Variants in WNT2B observed in about 807,000 individuals in gnomAD.
The protein encoded by WNT2B is Wnt family member 2B.
A neutral mutation model predicts 40.5 loss-of-function variants in WNT2B; 19 were observed. The observed-to-expected ratio is 0.47, with a 90% CI of 0.33 to 0.69. The LOEUF (loss-of-function observed/expected upper bound fraction) is 0.69. Ranked by LOEUF, WNT2B falls within the 30% of genes least tolerant of loss-of-function variation. The probability of loss-of-function intolerance (pLI) is 0.02; values close to 1 mark genes in which losing one functional copy is unlikely to be tolerated. For missense variants in WNT2B, 467 were observed against 556.4 expected, an observed-to-expected ratio of 0.84 and a Z score of 1.62; for synonymous variants, 220 against 211.9, an observed-to-expected ratio of 1.04 and a Z score of -0.33.
At position 112,525,968 on chromosome 1, in the gene WNT2B, G is replaced by C; in HGVS notation, c.*5459G>C. On this transcript the variant is annotated 3_prime_UTR_variant, in exon 5 of 5. Transcript: ENST00000369684. ...ACTGTCACTTTACAGATGCTGTTCAGAAAAATTTGGTGATTTGTCCAAGGT... is the reference window on the plus strand; with the variant it reads ...ACTGTCACTTTACAGATGCTGTTCACAAAAATTTGGTGATTTGTCCAAGGT... The C allele has an allele frequency of 6.2e-7, 1 of 1,611,374 alleles. No homozygotes were observed. The highest frequency in any genetic ancestry group is 8.5e-7 in the Non-Finnish European group (1 of 1,177,950).
At chr1:112,484,258 C>CAT (rs1296378064) in intron 1 of WNT2B, among the ~76,000 whole-genome samples, 14 of 110,432 alleles carry the variant, frequency 1.3e-4, no homozygotes, top group African/African-American at 3.1e-4. Context: ...TATATATACA[C>CAT]ATATATATAT....
intron 1 of WNT2B, among the ~76,000 whole-genome samples, chr1:112,487,987 A>G (rs1017187838): frequency 2.0e-5 from 3 of 151,728 alleles, no homozygotes; most frequent in African/African-American, 7.3e-5. Flanking sequence ...CGACTCATAT[A>G]AAAAATTTTT....
chr1:112,469,764 C>A (rs1386254374), intron 1 of WNT2B, among the ~76,000 whole-genome samples: 1 of 152,024 alleles, frequency 6.6e-6, no homozygotes. Context: ...CAGGCACATG[C>A]CACCATGCCT....
Position 112,509,012 on chromosome 1 carries a change from C to G in WNT2B, c.-251C>G. 7.4e-7 allele frequency: 1 copy of G among 1,344,054 alleles called. No individual in the cohort carries two copies. The highest frequency in any genetic ancestry group is 9.5e-7 in the Non-Finnish European group (1 of 1,056,956). 83.3% of individuals were successfully genotyped at this position (1,344,054 alleles called of 1,614,324 possible). A position where few individuals can be genotyped will look rare whatever the true frequency, so the allele number is the denominator to read the frequency against. On this transcript the variant is annotated 5_prime_UTR_variant, in exon 1 of 5. Transcript: ENST00000369684. The surrounding 1 kb of genome is among the most constrained non-coding windows in gnomAD (Gnocchi z 4.2). The stretch of plus-strand genomic sequence containing the variant: ...TTCAGCGCCGCAGACCCCCTGACAC[C>G]GCACCCGGTCCTCAGGCAGCGCGCC...
At position 112,509,316 on chromosome 1, in the gene WNT2B, C is replaced by G. The variant is rs1298645625; in HGVS notation, c.54C>G (p.Ala18=). The change falls in exon 1 of 5, where the codon GCC becomes GCG. Residue 18 remains alanine (A), a synonymous_variant. Transcript: ENST00000369684. The surrounding 1 kb of genome is among the most constrained non-coding windows in gnomAD (Gnocchi z 4.2). ...CTGCGCAGCTCCCGCTTCGGCGCGC[C>G]AGCGCCCCGGTCCCTGTGCCGTCGC... ...EEAAQLPLRR[A]SAPVPVPSPA... 6.4e-7 allele frequency: 1 copy of G among 1,571,258 alleles called. No homozygotes were observed. Among genetic ancestry groups the G allele is most frequent in the Non-Finnish European group, 8.6e-7 (1 of 1,165,078 alleles).
chr1:112,520,631 TAG>T lies in WNT2B; in HGVS notation c.*127_*128del. 1 of 1,024,284 alleles carries T rather than the reference TAG, an allele frequency of 9.8e-7. No homozygotes were observed. The highest frequency in any genetic ancestry group is 1.5e-6 in the Non-Finnish European group (1 of 688,702). The allele number at this position is 1,024,284 out of a possible 1,614,324, so 63.4% of individuals were successfully genotyped here. Reference sequence around the variant, plus strand: ...CTGCTACCGCTTCTATTTAAGGATGTAGAGAGTAATCCATAGGGACCATGGTG... The same window carrying T: ...CTGCTACCGCTTCTATTTAAGGATGTAGAGTAATCCATAGGGACCATGGTG... On this transcript the variant is annotated 3_prime_UTR_variant, in exon 5 of 5. Coordinates refer to ENST00000369684, the MANE Select transcript of WNT2B (RefSeq NM_024494.3).
intron 1 of WNT2B, among the ~76,000 whole-genome samples, chr1:112,469,983 A>G (rs1650824572): frequency 6.6e-6 from 1 of 152,170 alleles, no homozygotes; most frequent in South Asian, 2.1e-4. Flanking sequence ...CTCATCTTTT[A>G]GTCATTCTAC....
Position 112,520,976 on chromosome 1 carries a change from G to A in WNT2B, c.*467G>A. On this transcript the variant is annotated 3_prime_UTR_variant, in exon 5 of 5. Transcript: ENST00000369684. ...GAAGTCCGTTTGAGCAGAACTACCTGGTACCCCGAAAGAAAATCTTAGGCT... is the reference window on the plus strand; with the variant it reads ...GAAGTCCGTTTGAGCAGAACTACCTAGTACCCCGAAAGAAAATCTTAGGCT... The A allele has an allele frequency of 6.2e-6, 1 of 162,032 alleles. No homozygotes were observed. The highest frequency in any genetic ancestry group is 1.4e-5 in the Non-Finnish European group (1 of 73,824). The allele number at this position is 162,032 out of a possible 1,614,324, so 10.0% of individuals were successfully genotyped here. A position where few individuals can be genotyped will look rare whatever the true frequency, so the allele number is the denominator to read the frequency against.
chr1:112,517,310 T>G lies in WNT2B; in HGVS notation c.871T>G (p.Tyr291Asp), dbSNP rs761923790. ...CAACTTCACCGCAGCCCGCCAAGGCTATCGCCGTGCCACCCGGACTGATCT... is the reference window on the plus strand; with the variant it reads ...CAACTTCACCGCAGCCCGCCAAGGCGATCGCCGTGCCACCCGGACTGATCT... Reference protein sequence around the residue: ...GANFTAARQGYRRATRTDLVY... With the variant: ...GANFTAARQGDRRATRTDLVY... Residue 291 changes from tyrosine to aspartate, a missense_variant, in exon 4 of 5, where the codon TAT (tyrosine) becomes GAT (aspartate). Coordinates refer to ENST00000369684, the MANE Select transcript of WNT2B (RefSeq NM_024494.3). 6.2e-7 allele frequency: 1 copy of G among 1,614,186 alleles called. No individual in the cohort carries two copies. Among genetic ancestry groups the G allele is most frequent in the African/African-American group, 1.3e-5 (1 of 75,070 alleles).
chr1:112,516,315 C>T lies in WNT2B; in HGVS notation c.579C>T (p.His193=). 1 of 1,614,124 alleles carries T rather than the reference C, an allele frequency of 6.2e-7. No homozygotes were observed. Among genetic ancestry groups the T allele is most frequent in the Non-Finnish European group, 8.5e-7 (1 of 1,180,034 alleles). The change falls in exon 3 of 5, where the codon CAC becomes CAT. Residue 193 remains histidine (H), a synonymous_variant. Coordinates refer to ENST00000369684, the MANE Select transcript of WNT2B (RefSeq NM_024494.3). ...GGGGTGGCTGCAGTGACAACATCCA[C>T]TACGGTGTCCGTTTTGCCAAGGCCT... ...FDWGGCSDNI[H]YGVRFAKAFV...
intron 1 of WNT2B, among the ~76,000 whole-genome samples, chr1:112,482,182 G>A (rs756045882): frequency 2.7e-5 from 4 of 150,690 alleles, no homozygotes; most frequent in South Asian, 2.1e-4. Context: ...TAATTTAAAC[G>A]GTGGTGCATG....
In WNT2B at chr1:112,509,102, G is replaced by A. The variant is rs1652239879; in HGVS notation, c.-161G>A. The A allele has an allele frequency of 2.9e-6, 4 of 1,357,134 alleles. No individual in the cohort carries two copies. Among genetic ancestry groups the A allele is most frequent in the South Asian group, 3.7e-5 (2 of 54,382 alleles). 84.1% of individuals were successfully genotyped at this position (1,357,134 alleles called of 1,614,324 possible). A position where few individuals can be genotyped will look rare whatever the true frequency, so the allele number is the denominator to read the frequency against. On this transcript the variant is annotated 5_prime_UTR_variant, in exon 1 of 5. Coordinates refer to ENST00000369684, the MANE Select transcript of WNT2B (RefSeq NM_024494.3). This position sits in a 1 kb window ranked among gnomAD's most constrained non-coding sequence, Gnocchi z 4.2. ...CATCGCAACTTGCGCCCCTCTCGGG[G>A]ATCCTCCTCCCGGGCTCTGGACCCC...
chr1:112,466,834 G>C (rs1163334618), exon 1 of WNT2B: 2 of 152,196 alleles, frequency 1.3e-5, no homozygotes, highest in African/African-American at 2.4e-5. Flanking sequence ...AAGCAAGCAA[G>C]AGCCAGCACT....
chr1:112,484,234 C>CAT (rs1326473514), intron 1 of WNT2B, among the ~76,000 whole-genome samples: 8 of 117,996 alleles, frequency 6.8e-5, no homozygotes, highest in Admixed American at 1.7e-4. Flanking sequence ...TATATATACA[C>CAT]ATATATATAC....
chr1:112,484,215 A>G (rs1474814321), intron 1 of WNT2B, among the ~76,000 whole-genome samples: 1 of 144,082 alleles, frequency 6.9e-6, no homozygotes, highest in Admixed American at 7.1e-5. Flanking sequence ...TTATATATAT[A>G]TACACATATA....
chr1:112,509,278 G>C lies in WNT2B; in HGVS notation c.16G>C (p.Gly6Arg). 1.3e-6 allele frequency: 2 copies of C among 1,536,090 alleles called. No individual in the cohort carries two copies. Among genetic ancestry groups the C allele is most frequent in the Non-Finnish European group, 1.7e-6 (2 of 1,146,570 alleles). The change falls in exon 1 of 5, where the codon GGT (glycine) becomes CGT (arginine). Residue 6 changes from glycine (G) to arginine (R), a missense_variant. Physicochemically the swap from Gly to Arg is moderately radical, Grantham distance 125. This residue lies in a region of WNT2B where 137 missense variants were observed against 117.7 expected (regional missense o/e 1.16). Transcript: ENST00000369684. The surrounding 1 kb of genome is among the most constrained non-coding windows in gnomAD (Gnocchi z 4.2). MLRPGGAEEAAQLPLR... is the reference protein window; with the variant it reads MLRPGRAEEAAQLPLR... Reference sequence around the variant, plus strand: ...TCGGGGAGCTATGCTGAGACCGGGTGGTGCGGAGGAAGCTGCGCAGCTCCC... The same window carrying C: ...TCGGGGAGCTATGCTGAGACCGGGTCGTGCGGAGGAAGCTGCGCAGCTCCC...
chr1:112,518,101 T>C (rs1652656658), intron 4 of WNT2B: 1 of 152,146 alleles, frequency 6.6e-6, no homozygotes, highest in South Asian at 2.1e-4. Context: ...GAAGAAGAGA[T>C]CCCTACCAAA....
In WNT2B at chr1:112,515,230, C is replaced by CCA; in HGVS notation, c.403+137_403+138dup. On this transcript the variant is annotated intron_variant, in intron 2 of 4. Transcript: ENST00000369684. This position sits in a 1 kb window ranked among gnomAD's most constrained non-coding sequence, Gnocchi z 4.4. ...TCAGAGAAAGAACTGTGGGCAGAGC[C>CCA]CAGGATATAATTGGGAACAGACTCT... is the stretch of plus-strand genomic sequence containing the variant. 2 of 1,083,992 alleles carry CCA rather than the reference C, an allele frequency of 1.8e-6. No homozygotes were observed. Among genetic ancestry groups the CCA allele is most frequent in the Non-Finnish European group, 2.6e-6 (2 of 756,758 alleles). 67.1% of individuals were successfully genotyped at this position (1,083,992 alleles called of 1,614,324 possible). A position where few individuals can be genotyped will look rare whatever the true frequency, so the allele number is the denominator to read the frequency against.
intron 1 of WNT2B, among the ~76,000 whole-genome samples, chr1:112,502,907 C>G (rs769606356): frequency 2.6e-4 from 39 of 152,148 alleles, no homozygotes; most frequent in Non-Finnish European, 4.4e-5. Context: ...CTGATTTGAG[C>G]TTTTCAGGCA....
Sources: allele counts gnomAD v4.1 joint callset (sites outside exome capture counted in the v4.1 genomes callset), GRCh38; gene constraint gnomAD v4.1.1; regional missense constraint gnomAD v4.1.1; non-coding constraint Gnocchi (gnomAD v3.1); transcripts MANE v1.5; gene names NCBI Gene and HGNC (gene_info 2026-07-23, HGNC 2026-07-21).